Variants in MCM5 observed in about 807,000 individuals in gnomAD.
MCM5 encodes minichromosome maintenance complex component 5.
A neutral mutation model predicts 79.9 loss-of-function variants in MCM5; 46 were observed. The observed-to-expected ratio is 0.58, with a 90% CI of 0.45 to 0.74. The LOEUF is 0.74. MCM5 is among the 30% of genes least tolerant of loss of function. MCM5 has a pLI of 0.00. For missense variants in MCM5, 883 were observed against 1,017.0 expected, an observed-to-expected ratio of 0.87 and a Z score of 1.79; for synonymous variants, 404 against 390.5, an observed-to-expected ratio of 1.03 and a Z score of -0.41.
chr22:35,439,883 C>T, the MCM5 span, among the ~76,000 whole-genome samples: 1 of 152,212 alleles, frequency 6.6e-6, no homozygotes, highest in South Asian at 2.1e-4. Context: ...GTGCCCAAAG[C>T]AGAGTGGGCA....
chr22:35,414,075 G>A (rs1345956337), intron 9 of MCM5, 89 bp downstream of exon 9: 1 of 795,832 alleles, frequency 1.3e-6, no homozygotes, highest in Non-Finnish European at 2.1e-6. Context: ...CACCTGTGGT[G>A]GGCTGGCTCA....
intron 6 of MCM5, among the ~76,000 whole-genome samples, chr22:35,409,031 C>T (rs572533292): frequency 6.8e-4 from 103 of 152,066 alleles, no homozygotes; most frequent in African/African-American, 2.2e-3. Flanking sequence ...GGCGCGATCT[C>T]GGCTCACTGC....
chr22:35,418,531 A>G (rs903473138), intron 13 of MCM5, among the ~76,000 whole-genome samples: 19 of 152,090 alleles, frequency 1.2e-4, no homozygotes, highest in African/African-American at 4.3e-4. Flanking sequence ...GTGGTGGTGC[A>G]CACCTATAGT....
the MCM5 span, among the ~76,000 whole-genome samples, chr22:35,443,397 C>T: frequency 3.9e-5 from 6 of 152,236 alleles, no homozygotes; most frequent in Non-Finnish European, 7.4e-5. Flanking sequence ...CCATGTTGGC[C>T]AGGCTGGTCT....
chr22:35,418,414 C>CT (rs1932603992), intron 13 of MCM5, among the ~76,000 whole-genome samples: 6 of 152,122 alleles, frequency 3.9e-5, no homozygotes, highest in Admixed American at 3.9e-4. Context: ...AATCCCAGCA[C>CT]TTTGGGAGGC....
the MCM5 span, among the ~76,000 whole-genome samples, chr22:35,431,349 C>A: frequency 3.3e-5 from 5 of 152,324 alleles, no homozygotes; most frequent in Non-Finnish European, 7.4e-5. Flanking sequence ...ATGCCCAACC[C>A]CCGAATCTTT....
chr22:35,406,887 G>A (rs1263771120), intron 5 of MCM5, among the ~76,000 whole-genome samples, 162 bp downstream of exon 5: 1 of 152,242 alleles, frequency 6.6e-6, no homozygotes, highest in African/African-American at 2.4e-5. Flanking sequence ...ATGCCCTGTG[G>A]CTCTGAGACA....
chr22:35,402,240 T>C (rs1332368203), intron 2 of MCM5, among the ~76,000 whole-genome samples: 1 of 151,940 alleles, frequency 6.6e-6, no homozygotes, highest in Non-Finnish European at 1.5e-5. Context: ...CCAGGCTCTA[T>C]TTAAAAAAAA....
At chr22:35,445,447 G>A in the MCM5 span, among the ~76,000 whole-genome samples, 86 of 144,056 alleles carry the variant, frequency 6.0e-4, no homozygotes, top group African/African-American at 2.1e-3. Flanking sequence ...TCCTGTCTCA[G>A]CCTCCTGAGT....
chr22:35,416,352 A>G lies in MCM5; in HGVS notation c.1361A>G (p.Asp454Gly). 2 of 1,613,794 alleles carry G rather than the reference A, an allele frequency of 1.2e-6. No homozygotes were observed. The highest frequency in any genetic ancestry group is 1.7e-6 in the Non-Finnish European group (2 of 1,179,984). ...IDEFDKMRED[D>G]RVAIHEAMEQ... ...TTCCCCACTTAGATGCGAGAAGATG[A>G]CCGTGTGGCAATCCACGAAGCCATG... The change falls in exon 11 of 17, where the codon GAC becomes GGC. Residue 454 changes from aspartate to glycine, a missense_variant. Transcript: ENST00000216122.
the MCM5 span, among the ~76,000 whole-genome samples, chr22:35,445,398 G>A: frequency 3.9e-5 from 5 of 127,854 alleles, no homozygotes; most frequent in African/African-American, 1.2e-4. Flanking sequence ...GCTCGATCTC[G>A]GCTCACTACA....
At chr22:35,413,407 T>G (rs1252031128) in intron 8 of MCM5, among the ~76,000 whole-genome samples, 4 of 152,168 alleles carry the variant, frequency 2.6e-5, no homozygotes, top group East Asian at 3.9e-4. Context: ...AGTAACCTGT[T>G]AACGCAGCTG....
In MCM5 at chr22:35,410,962, A is replaced by G. The variant is rs755927538; in HGVS notation, c.919+52A>G. ...AGCCCTGCTAAAAGGCTGTGCTTGC[A>G]TACTTCTGGTAACAGGCAGCTCGTT... On this transcript the variant is annotated intron_variant, in intron 7 of 16. Coordinates refer to ENST00000216122, the MANE Select transcript of MCM5 (RefSeq NM_006739.4). The G allele has an allele frequency of 3.4e-5, 51 of 1,517,112 alleles. No individual in the cohort carries two copies. The East Asian group carries it at 8.2e-4, about 24-fold the overall frequency. The allele number at this position is 1,517,112 out of a possible 1,614,324, so 94.0% of individuals were successfully genotyped here. A position where few individuals can be genotyped will look rare whatever the true frequency, so the allele number is the denominator to read the frequency against.
At chr22:35,423,496 A>T in intron 16 of MCM5, 155 bp downstream of exon 16, 1 of 751,776 alleles carries the variant, frequency 1.3e-6, no homozygotes, top group Non-Finnish European at 1.9e-6. Flanking sequence ...TCTAGCCATC[A>T]TTCCTTCCCT....
intron 14 of MCM5, 71 bp from the exon 15 acceptor site, chr22:35,421,247 G>C (rs957074816): frequency 6.6e-7 from 1 of 1,521,774 alleles, no homozygotes; most frequent in African/African-American, 1.4e-5. Context: ...GCACCTCCCT[G>C]GTAACGGGCT....
rs768308143 is a variant in MCM5, at chr22:35,415,829, G to C, written c.1204G>C (p.Val402Leu). ...KFVEKCSPIG[V>L]YTSGKGSSAA... is the part of the protein sequence containing the mutation. ...CCCTGACACCACCCCACTGCCCCAG[G>C]TATACACGTCTGGGAAAGGCAGCAG... Residue 402 changes from valine to leucine, a missense_variant and splice_region_variant, in exon 10 of 17, where the codon GTA (valine) becomes CTA (leucine). Val to Leu is a conservative substitution (Grantham distance 32). Transcript: ENST00000216122. 1 of 1,612,488 alleles carries C rather than the reference G, an allele frequency of 6.2e-7. No individual in the cohort carries two copies. The highest frequency in any genetic ancestry group is 8.5e-7 in the Non-Finnish European group (1 of 1,179,514).
downstream of MCM5, among the ~76,000 whole-genome samples, chr22:35,427,611 A>G (rs1182436515): frequency 6.6e-6 from 1 of 150,896 alleles, no homozygotes; most frequent in East Asian, 1.9e-4. Context: ...GTTTTGTTAC[A>G]TGGGTATACA....
rs34391116 is a variant in MCM5, at chr22:35,406,574, G to C, written c.445G>C (p.Val149Leu). ...SLKSDMMSHL[V>L]KIPGIIIAAS... is the part of the protein sequence containing the mutation. ...ACAGTCGGACATGATGTCACACCTGGTGAAGATCCCTGGCATCATCATCGC... is the reference window on the plus strand; with the variant it reads ...ACAGTCGGACATGATGTCACACCTGCTGAAGATCCCTGGCATCATCATCGC... Residue 149 changes from valine (V) to leucine (L), a missense_variant, in exon 5 of 17, where the codon GTG (valine) becomes CTG (leucine). By Grantham distance (32) the Val-to-Leu change is conservative. Transcript: ENST00000216122. 209 of 1,613,684 alleles carry C rather than the reference G, an allele frequency of 1.3e-4. No individual in the cohort carries two copies. Among genetic ancestry groups the C allele is most frequent in the Non-Finnish European group, 9.9e-5 (117 of 1,179,928 alleles).
intron 13 of MCM5, among the ~76,000 whole-genome samples, chr22:35,418,681 A>G (rs531671606): frequency 8.2e-4 from 99 of 120,626 alleles, no homozygotes; most frequent in African/African-American, 3.5e-3. Context: ...ATATATATAT[A>G]TGTGTACACA....
Sources: allele counts gnomAD v4.1 joint callset (sites outside exome capture counted in the v4.1 genomes callset), GRCh38; gene constraint gnomAD v4.1.1; transcripts MANE v1.5; gene names NCBI Gene and HGNC (gene_info 2026-07-23, HGNC 2026-07-21).